Variants in KCNQ3 observed in about 807,000 individuals in gnomAD.
The protein encoded by KCNQ3 is potassium voltage-gated channel subfamily Q member 3.
A neutral mutation model predicts 92.5 loss-of-function variants in KCNQ3; 30 were observed. The observed-to-expected ratio is 0.32, with a 90% CI of 0.24 to 0.44. The LOEUF (loss-of-function observed/expected upper bound fraction) is 0.44. Among genes scored for constraint, KCNQ3 ranks in the 20% least tolerant of loss-of-function variants. KCNQ3 has a pLI of 1.00. For synonymous variants in KCNQ3, 450 were observed against 468.8 expected (o/e 0.96, Z 0.52); for missense variants, 913 against 1,140.3 (o/e 0.80, Z 2.87).
At chr8:132,135,510 C>G (rs1010839025) in intron 12 of KCNQ3, among the ~76,000 whole-genome samples, 1 of 152,160 alleles carries the variant, frequency 6.6e-6, no homozygotes, top group African/African-American at 2.4e-5. Context: ...CCCGCAAGGT[C>G]AGCATGGCTG....
At chr8:132,331,426 C>T (rs1335056848) in intron 1 of KCNQ3, among the ~76,000 whole-genome samples, 1 of 152,164 alleles carries the variant, frequency 6.6e-6, no homozygotes, top group African/African-American at 2.4e-5. Flanking sequence ...CTCAGGGGTG[C>T]CCTCATATGG....
intron 1 of KCNQ3, among the ~76,000 whole-genome samples, chr8:132,459,535 T>G (rs1050083374): frequency 6.6e-6 from 1 of 152,120 alleles, no homozygotes; most frequent in Non-Finnish European, 1.5e-5. Context: ...AGAACTCACT[T>G]ATGCCCCAGC....
intron 9 of KCNQ3, among the ~76,000 whole-genome samples, chr8:132,149,047 A>G (rs1227953568): frequency 1.3e-5 from 2 of 152,246 alleles, no homozygotes; most frequent in African/African-American, 4.8e-5. Flanking sequence ...AGAGGAATTT[A>G]TTATTTTGTA....
rs942367864 is a variant in KCNQ3, at chr8:132,127,175, C to T, written c.*2087G>A. On this transcript the variant is annotated 3_prime_UTR_variant, in exon 15 of 15. Coordinates refer to ENST00000388996, the MANE Select transcript of KCNQ3 (RefSeq NM_004519.4). The stretch of plus-strand genomic sequence containing the variant: ...GGGGAAAAGGCCCAAATAACCCATG[C>T]CCTTTGTCCTTCAGATTGCCAGCAT... 1.3e-5 allele frequency: 2 copies of T among 152,174 alleles called. No homozygotes were observed. The highest frequency in any genetic ancestry group is 1.3e-4 in the Admixed American group (2 of 15,284). The allele number at this position is 152,174 out of a possible 1,614,324, so 9.4% of individuals were successfully genotyped here. A position where few individuals can be genotyped will look rare whatever the true frequency, so the allele number is the denominator to read the frequency against.
chr8:132,383,644 T>C (rs918137013), intron 1 of KCNQ3, among the ~76,000 whole-genome samples: 2 of 152,190 alleles, frequency 1.3e-5, no homozygotes, highest in African/African-American at 4.8e-5. Context: ...TGCTTGTTCA[T>C]CTCTACAGCC....
chr8:132,321,974 A>G (rs1817907429), intron 1 of KCNQ3, among the ~76,000 whole-genome samples: 1 of 152,158 alleles, frequency 6.6e-6, no homozygotes, highest in African/African-American at 2.4e-5. Flanking sequence ...TGCCCACATG[A>G]GAAGTGTTTT....
chr8:132,447,702 C>T (rs1821720423), intron 1 of KCNQ3, among the ~76,000 whole-genome samples: 1 of 152,208 alleles, frequency 6.6e-6, no homozygotes, highest in Admixed American at 6.5e-5. Flanking sequence ...GGAGAACCAC[C>T]AGGAGTTCTA....
chr8:132,153,595 C>A (rs1385401062), intron 9 of KCNQ3, among the ~76,000 whole-genome samples: 1 of 152,188 alleles, frequency 6.6e-6, no homozygotes, highest in Non-Finnish European at 1.5e-5. Flanking sequence ...TTAAGCCAAG[C>A]TTCCCATTTC....
chr8:132,345,419 G>A (rs1818658462), intron 1 of KCNQ3, among the ~76,000 whole-genome samples: 3 of 152,224 alleles, frequency 2.0e-5, no homozygotes, highest in Admixed American at 2.0e-4. Context: ...CCTACTCCGT[G>A]CAAGGCCTGC....
chr8:132,413,423 G>A (rs1421667900), intron 1 of KCNQ3, among the ~76,000 whole-genome samples: 1 of 152,146 alleles, frequency 6.6e-6, no homozygotes, highest in African/African-American at 2.4e-5. Context: ...CCTCAGGCTG[G>A]GTTAAGTCGC....
intron 1 of KCNQ3, among the ~76,000 whole-genome samples, chr8:132,396,662 C>T (rs6471068): frequency 0.013 from 1,941 of 152,200 alleles, 51 homozygotes; most frequent in African/African-American, 0.045. Context: ...GTACCCACAC[C>T]ATTTTCTCCT....
rs553353717 is a variant in KCNQ3, at chr8:132,303,961, T to C, written c.387-117780A>G. 8.6e-5 allele frequency among the ~76,000 whole-genome samples: 13 copies of C among 151,998 alleles called. No homozygotes were observed. In the South Asian group the frequency reaches 2.5e-3, roughly 29 times the overall value. On this transcript the variant is annotated intron_variant, in intron 1 of 14. Coordinates refer to ENST00000388996, the MANE Select transcript of KCNQ3 (RefSeq NM_004519.4). ...CCATAAACACACACACCATAAAATA[T>C]TACTCAGCCATAAAAAGAATGAAAT...
intron 10 of KCNQ3, 54 bp downstream of exon 10, chr8:132,141,075 G>A (rs555491737): frequency 6.6e-7 from 1 of 1,515,916 alleles, no homozygotes. Context: ...GAAGGAAGTG[G>A]ACTTGGGGGA....
intron 1 of KCNQ3, among the ~76,000 whole-genome samples, chr8:132,271,414 A>T (rs1047650146): frequency 1.3e-5 from 2 of 152,136 alleles, no homozygotes; most frequent in Non-Finnish European, 2.9e-5. Context: ...CTGCTTTGTC[A>T]TATTTTATTT....
chr8:132,417,704 A>G (rs77219701), intron 1 of KCNQ3, among the ~76,000 whole-genome samples: 33,582 of 148,730 alleles, frequency 0.23, 3,905 homozygotes, highest in Middle Eastern at 0.3. Context: ...TCATTCATTC[A>G]TTCCAGGCAT....
rs911441982 is a variant in KCNQ3, at chr8:132,404,190, G to A, written c.386+75957C>T. On this transcript the variant is annotated intron_variant, in intron 1 of 14. Transcript: ENST00000388996. Reference sequence around the variant, plus strand: ...GGACAAAGGGATGCTCTGTAGAGTCGTGGTTCTAGATGGAAAGAAGCATCA... The same window carrying A: ...GGACAAAGGGATGCTCTGTAGAGTCATGGTTCTAGATGGAAAGAAGCATCA... Among the ~76,000 whole-genome samples the A allele has an allele frequency of 4.6e-5, 7 of 152,322 alleles. No homozygotes were observed. The East Asian group carries it at 7.7e-4, about 17-fold the overall frequency.
At chr8:132,197,700 T>C (rs576385228) in intron 1 of KCNQ3, among the ~76,000 whole-genome samples, 1 of 152,348 alleles carries the variant, frequency 6.6e-6, no homozygotes, top group African/African-American at 2.4e-5. Flanking sequence ...TTGTGGCGTG[T>C]ATTCTATGTA....
chr8:132,329,717 C>G (rs897905), intron 1 of KCNQ3, among the ~76,000 whole-genome samples: 68,914 of 152,018 alleles, frequency 0.45, 15,763 homozygotes, highest in Non-Finnish European at 0.49. Flanking sequence ...CAGATCTGCT[C>G]TTGTTATCTC....
At chr8:132,468,088 G>T (rs755988757) in intron 1 of KCNQ3, among the ~76,000 whole-genome samples, 117 of 152,302 alleles carry the variant, frequency 7.7e-4, no homozygotes, top group Non-Finnish European at 1.4e-3. Flanking sequence ...CCCACAAATT[G>T]CTGCAAAGTA....
Sources: allele counts gnomAD v4.1 joint callset (sites outside exome capture counted in the v4.1 genomes callset), GRCh38; gene constraint gnomAD v4.1.1; transcripts MANE v1.5; gene names NCBI Gene and HGNC (gene_info 2026-07-23, HGNC 2026-07-21).